C2orf76: variants seen among roughly 807,000 people sequenced by gnomAD.
C2orf76 encodes the protein UPF0538 protein C2orf76.
A neutral mutation model predicts 16.9 loss-of-function variants in C2orf76; 23 were observed. The ratio of observed to expected loss-of-function variants is 1.36; its 90% CI spans 0.98 to 1.93. The LOEUF (loss-of-function observed/expected upper bound fraction) is 1.93. Ranked by LOEUF, C2orf76 falls within the 30% of genes most tolerant of loss-of-function variation. The pLI is 0.00. For synonymous variants in C2orf76, 48 were observed against 52.3 expected (o/e 0.92, Z 0.35); for missense variants, 152 against 152.6 (o/e 1.00, Z 0.02).
At chr2:119,313,829 T>A (rs1679076265) in intron 4 of C2orf76, among the ~76,000 whole-genome samples, 2 of 152,218 alleles carry the variant, frequency 1.3e-5, no homozygotes, top group South Asian at 4.2e-4. Context: ...TTAAGTATAG[T>A]CTTAATTTGT....
At chr2:119,331,322 C>A (rs1341386713) in intron 2 of C2orf76, among the ~76,000 whole-genome samples, 1 of 152,162 alleles carries the variant, frequency 6.6e-6, no homozygotes, top group Non-Finnish European at 1.5e-5. Context: ...TGCCCGATAA[C>A]CTGTGAATAA....
downstream of C2orf76, among the ~76,000 whole-genome samples, chr2:119,301,433 C>T (rs1172871527): frequency 3.3e-5 from 5 of 152,166 alleles, no homozygotes; most frequent in African/African-American, 1.2e-4. Context: ...CATAATGAAA[C>T]CAATTTGCCC....
chr2:119,292,015 C>T, the C2orf76 span, among the ~76,000 whole-genome samples: 1 of 152,046 alleles, frequency 6.6e-6, no homozygotes, highest in African/African-American at 2.4e-5. Flanking sequence ...CTTCCAACCC[C>T]GGGCTGCCTA....
intron 1 of C2orf76, among the ~76,000 whole-genome samples, chr2:119,350,783 C>A (rs2104630192): frequency 6.6e-6 from 1 of 152,304 alleles, no homozygotes; most frequent in Non-Finnish European, 1.5e-5. Context: ...CTTAACTTGC[C>A]CAGTGGTTCC....
chr2:119,341,991 T>C (rs1680046427), intron 1 of C2orf76, among the ~76,000 whole-genome samples: 1 of 152,184 alleles, frequency 6.6e-6, no homozygotes, highest in African/African-American at 2.4e-5. Context: ...GATCCTACAA[T>C]TTCATTCATA....
At chr2:119,361,092 A>G (rs1488779266) in intron 1 of C2orf76, among the ~76,000 whole-genome samples, 2 of 152,170 alleles carry the variant, frequency 1.3e-5, no homozygotes, top group African/African-American at 4.8e-5. Context: ...TATGTATTCT[A>G]TATGGTTTTG....
chr2:119,304,104 A>G (rs1302646196), intron 5 of C2orf76, among the ~76,000 whole-genome samples: 2 of 152,254 alleles, frequency 1.3e-5, no homozygotes, highest in Non-Finnish European at 2.9e-5. Context: ...TTGGAAATCT[A>G]TCCCTTATAG....
intron 2 of C2orf76, among the ~76,000 whole-genome samples, chr2:119,327,588 G>A (rs1679548887): frequency 6.6e-6 from 1 of 151,918 alleles, no homozygotes; most frequent in Admixed American, 6.6e-5. Context: ...AGATCCGGCT[G>A]TTTAAAAAGA....
chr2:119,328,642 T>C (rs1679583016), intron 2 of C2orf76, among the ~76,000 whole-genome samples: 1 of 152,170 alleles, frequency 6.6e-6, no homozygotes, highest in South Asian at 2.1e-4. Context: ...TATTTTAGGT[T>C]TCATTTGCTT....
chr2:119,281,905 C>T, the C2orf76 span, among the ~76,000 whole-genome samples: 15 of 152,218 alleles, frequency 9.9e-5, no homozygotes, highest in East Asian at 1.7e-3. Flanking sequence ...TGTCTTACTG[C>T]GCTACCCACC....
chr2:119,342,854 G>A lies in C2orf76; in HGVS notation c.-12-2883C>T, dbSNP rs991175672. On this transcript the variant is annotated intron_variant, in intron 1 of 5. Transcript: ENST00000334816. ...TGGCTCACTGCAACGTCCCTCTCCCGGGTTCAAGCAACTCTCCTGCCTCAG... is the reference window on the plus strand; with the variant it reads ...TGGCTCACTGCAACGTCCCTCTCCCAGGTTCAAGCAACTCTCCTGCCTCAG... 7.2e-5 allele frequency among the ~76,000 whole-genome samples: 11 copies of A among 151,998 alleles called. No homozygotes were observed. The East Asian group carries it at 2.2e-3, about 30-fold the overall frequency.
intron 2 of C2orf76, among the ~76,000 whole-genome samples, chr2:119,322,724 G>A (rs1159414386): frequency 6.6e-6 from 1 of 152,104 alleles, no homozygotes; most frequent in Admixed American, 6.5e-5. Context: ...CTACTAACAT[G>A]ATAAGATCTT....
chr2:119,306,671 A>G (rs1474301315), intron 5 of C2orf76, among the ~76,000 whole-genome samples: 9 of 152,222 alleles, frequency 5.9e-5, no homozygotes, highest in Non-Finnish European at 1.3e-4. Context: ...GAATTAGCCC[A>G]TAAAACTACA....
At chr2:119,288,443 T>A in the C2orf76 span, among the ~76,000 whole-genome samples, 108,887 of 151,878 alleles carry the variant, frequency 0.72, 40,188 homozygotes, top group African/African-American at 0.89. Flanking sequence ...TTTAAAAAAG[T>A]AAGGGAGAGA....
intron 2 of C2orf76, among the ~76,000 whole-genome samples, chr2:119,332,558 AT>A (rs70947278): frequency 0.45 from 67,941 of 151,878 alleles, 15,453 homozygotes; most frequent in Non-Finnish European, 0.49. Flanking sequence ...ATCCTTTATT[AT>A]TTTTTTTAAC....
At chr2:119,358,959 A>G (rs560345974) in intron 1 of C2orf76, among the ~76,000 whole-genome samples, 9 of 152,326 alleles carry the variant, frequency 5.9e-5, no homozygotes, top group African/African-American at 2.2e-4. Context: ...TGGAAGATGA[A>G]GCCATCTAGG....
intron 1 of C2orf76, among the ~76,000 whole-genome samples, chr2:119,348,589 G>A (rs1472164214): frequency 6.6e-6 from 1 of 152,208 alleles, no homozygotes; most frequent in African/African-American, 2.4e-5. Flanking sequence ...GGGAGGCTGA[G>A]GAAGGAGATT....
the C2orf76 span, among the ~76,000 whole-genome samples, chr2:119,294,859 C>G: frequency 1.3e-5 from 2 of 152,050 alleles, no homozygotes; most frequent in African/African-American, 2.4e-5. Context: ...AGGGTTAGGC[C>G]TGGGGCCAGA....
intron 3 of C2orf76, among the ~76,000 whole-genome samples, chr2:119,319,891 C>G (rs1171619783): frequency 1.3e-5 from 2 of 152,164 alleles, no homozygotes; most frequent in Admixed American, 1.3e-4. Context: ...ACACTGCAGC[C>G]TTTCTTGTTC....
Sources: gnomAD v4.1 joint callset for allele counts (sites outside exome capture counted in the v4.1 genomes callset) on GRCh38, gnomAD v4.1.1 for gene constraint, MANE v1.5 for transcripts, NCBI Gene and HGNC (gene_info 2026-07-23, HGNC 2026-07-21) for gene names.